Variants in RALYL observed in about 807,000 individuals in gnomAD.
The protein encoded by RALYL is RNA-binding Raly-like protein.
In RALYL, 29 loss-of-function variants were observed where a neutral mutation model predicts 35.1. The observed-to-expected ratio is 0.83, with a 90% CI of 0.61 to 1.13. The LOEUF (loss-of-function observed/expected upper bound fraction) is 1.13. RALYL is among the 50% of genes most tolerant of loss of function. RALYL has a pLI of 0.00. For missense variants in RALYL, 359 were observed against 360.4 expected, an observed-to-expected ratio of 1.00 and a Z score of 0.03; for synonymous variants, 120 against 127.6, an observed-to-expected ratio of 0.94 and a Z score of 0.40.
chr8:84,916,633 G>A (rs555077169), intron 8 of RALYL, among the ~76,000 whole-genome samples: 2 of 152,106 alleles, frequency 1.3e-5, no homozygotes, highest in East Asian at 1.9e-4. Context: ...CCCCAGCCAC[G>A]TGGAACTGTA....
intron 1 of RALYL, among the ~76,000 whole-genome samples, chr8:84,311,168 G>T (rs1266152920): frequency 2.2e-5 from 3 of 137,656 alleles, no homozygotes; most frequent in Non-Finnish European, 4.6e-5. Context: ...TAAAAAGAAT[G>T]TATCAACTCC....
At chr8:84,623,191 G>T (rs1821947219) in intron 2 of RALYL, among the ~76,000 whole-genome samples, 1 of 152,062 alleles carries the variant, frequency 6.6e-6, no homozygotes, top group Non-Finnish European at 1.5e-5. Context: ...TGTTAGATTT[G>T]TTGTTTTATT....
chr8:84,207,520 A>C (rs1205672731), intron 1 of RALYL, among the ~76,000 whole-genome samples: 1 of 152,058 alleles, frequency 6.6e-6, no homozygotes, highest in Non-Finnish European at 1.5e-5. Context: ...AAAAAAGTCA[A>C]AGCTGGAAGC....
chr8:84,647,856 A>T (rs1827830216), intron 2 of RALYL, among the ~76,000 whole-genome samples: 1 of 152,118 alleles, frequency 6.6e-6, no homozygotes, highest in Non-Finnish European at 1.5e-5. Context: ...TTACTGAAAA[A>T]GTGACATTTG....
chr8:84,621,917 T>G (rs554004629), intron 2 of RALYL, among the ~76,000 whole-genome samples: 1 of 152,352 alleles, frequency 6.6e-6, no homozygotes, highest in African/African-American at 2.4e-5. Flanking sequence ...ATGAAACCAA[T>G]TTACTATGAC....
intron 2 of RALYL, among the ~76,000 whole-genome samples, chr8:84,695,104 A>G (rs1194956518): frequency 6.6e-6 from 1 of 151,782 alleles, no homozygotes; most frequent in Non-Finnish European, 1.5e-5. Context: ...TATTTTTATT[A>G]TAAAAGTTTT....
chr8:84,575,297 A>G (rs1809078926), intron 2 of RALYL, among the ~76,000 whole-genome samples: 1 of 152,188 alleles, frequency 6.6e-6, no homozygotes, highest in African/African-American at 2.4e-5. Context: ...TTTGAGATAT[A>G]TGTGTTTTAT....
At chr8:84,231,148 C>T (rs1457862029) in intron 1 of RALYL, among the ~76,000 whole-genome samples, 1 of 152,144 alleles carries the variant, frequency 6.6e-6, no homozygotes, top group African/African-American at 2.4e-5. Flanking sequence ...AAGTCGTATC[C>T]TTTCTACTTA....
chr8:84,409,031 A>G (rs1414006296), intron 1 of RALYL, among the ~76,000 whole-genome samples: 2 of 152,086 alleles, frequency 1.3e-5, no homozygotes, highest in African/African-American at 2.4e-5. Context: ...TAGTGGGATA[A>G]TTATCTCTTA....
intron 2 of RALYL, among the ~76,000 whole-genome samples, chr8:84,545,103 GATATGCA>G (rs1475857386): frequency 1.3e-5 from 2 of 152,026 alleles, no homozygotes; most frequent in African/African-American, 4.8e-5. Flanking sequence ...AATTTACACT[GATATGCA>G]ATATAAGAAA....
intron 2 of RALYL, among the ~76,000 whole-genome samples, chr8:84,715,572 C>A (rs1842839282): frequency 6.6e-6 from 1 of 151,904 alleles, no homozygotes; most frequent in South Asian, 2.1e-4. Context: ...TAAATATAGG[C>A]AAACAAAATA....
At chr8:84,334,648 T>C (rs1454943074) in intron 1 of RALYL, among the ~76,000 whole-genome samples, 1 of 152,028 alleles carries the variant, frequency 6.6e-6, no homozygotes, top group South Asian at 2.1e-4. Flanking sequence ...ATTTTATTGG[T>C]TTTCCCTGTA....
intron 8 of RALYL, among the ~76,000 whole-genome samples, chr8:84,903,472 A>G (rs1352118592): frequency 6.6e-6 from 1 of 152,102 alleles, no homozygotes; most frequent in East Asian, 1.9e-4. Context: ...ACATTGCCCT[A>G]AACACAGAGA....
intron 2 of RALYL, among the ~76,000 whole-genome samples, chr8:84,740,508 T>C (rs1702206093): frequency 6.6e-6 from 1 of 152,082 alleles, no homozygotes; most frequent in Admixed American, 6.6e-5. Context: ...CATTTAAAGG[T>C]AACTTTTTAT....
intron 2 of RALYL, among the ~76,000 whole-genome samples, chr8:84,689,918 C>A (rs1296642028): frequency 6.6e-6 from 1 of 151,950 alleles, no homozygotes; most frequent in Non-Finnish European, 1.5e-5. Context: ...GGAAAAAAAA[C>A]AGTTTTACAG....
chr8:84,399,139 C>T (rs2042637466), intron 1 of RALYL, among the ~76,000 whole-genome samples: 1 of 152,108 alleles, frequency 6.6e-6, no homozygotes, highest in Admixed American at 6.5e-5. Context: ...CATTTCATTC[C>T]CGTTTCCTGC....
chr8:84,872,481 C>G (rs951154578), intron 6 of RALYL: 3 of 152,114 alleles, frequency 2.0e-5, no homozygotes, highest in African/African-American at 4.8e-5. Context: ...TTCCTTAAGC[C>G]TTTTTCCCTT....
At chr8:84,724,937 G>T (rs1844655888) in intron 2 of RALYL, among the ~76,000 whole-genome samples, 1 of 151,576 alleles carries the variant, frequency 6.6e-6, no homozygotes, top group African/African-American at 2.4e-5. Flanking sequence ...TAAGCTCTAA[G>T]AATATTTTAT....
chr8:84,346,259 T>C (rs1849819774), intron 1 of RALYL: 1 of 160,088 alleles, frequency 6.2e-6, no homozygotes, highest in African/African-American at 2.4e-5. Context: ...TTAGATGCAA[T>C]GTCAGATGCT....
Sources: allele counts gnomAD v4.1 joint callset (sites outside exome capture counted in the v4.1 genomes callset), GRCh38; gene constraint gnomAD v4.1.1; transcripts MANE v1.5; gene names NCBI Gene and HGNC (gene_info 2026-07-23, HGNC 2026-07-21).